The following PIEZO1 variants were observed in gnomAD, a reference collection of about 807,000 sequenced individuals.
The protein encoded by PIEZO1 is piezo-type mechanosensitive ion channel component 1.
In PIEZO1, 296 loss-of-function variants were observed where a neutral mutation model predicts 297.2. The ratio of observed to expected loss-of-function variants is 1.00; its 90% confidence interval spans 0.91 to 1.10. The LOEUF (loss-of-function observed/expected upper bound fraction) is 1.10, where lower values mean the gene tolerates loss of function less well. PIEZO1 is among the 50% of genes least tolerant of loss of function. PIEZO1 has a pLI of 0.00. For missense variants in PIEZO1, 5,018 were observed against 3,455.5 expected (o/e 1.45, Z -11.34); for synonymous variants, 2,427 against 1,507.5 (o/e 1.61, Z -14.13).
rs1324377546 is a variant in PIEZO1, at chr16:88,715,650, G to A, written c.7521C>T (p.Tyr2507=). 2 of 1,550,180 alleles carry A rather than the reference G, an allele frequency of 1.3e-6. No homozygotes were observed. Among genetic ancestry groups the A allele is most frequent in the African/African-American group, 2.7e-5 (2 of 73,058 alleles). Residue 2507 remains tyrosine, a synonymous_variant, in exon 51 of 51, where the codon TAC becomes TAT. Coordinates refer to ENST00000301015, the MANE Select transcript of PIEZO1 (RefSeq NM_001142864.4). The part of the protein sequence containing the change: ...EELYAKLIFL[Y]RSPETMIKWT... ...ACTTGATCATGGTCTCCGGTGAGCG[G>A]TAGAGGAAGATGAGCTTGGCGTACA...
rs1171773337 is a variant in PIEZO1 at position 88,727,045 on chromosome 16, T to C, written c.3449A>G (p.His1150Arg). Residue 1150 changes from histidine to arginine, a missense_variant, in exon 24 of 51, where the codon CAC becomes CGC. Physicochemically the swap from His to Arg is conservative, Grantham distance 29 (BLOSUM62 0). Transcript: ENST00000301015. The part of the protein sequence containing the change: ...GEPNPVPNFI[H>R]CRSYLDMLKV... ...AGGGTGACGTGGAACCCACCTGCAG[T>C]GGATAAAGTTGGGCACGGGGTTGGG... The C allele has an allele frequency of 1.3e-6, 2 of 1,548,346 alleles. No homozygotes were observed. Among genetic ancestry groups the C allele is most frequent in the East Asian group, 2.4e-5 (1 of 40,852 alleles).
intron 22 of PIEZO1, chr16:88,731,274 T>G: frequency 1.0e-5 from 2 of 197,596 alleles, no homozygotes; most frequent in Non-Finnish European, 2.1e-5. Flanking sequence ...AGAGGACACG[T>G]TTGACGATGG....
chr16:88,735,088 G>T, intron 13 of PIEZO1, 35 bp from the exon 14 acceptor site: 1 of 1,539,884 alleles, frequency 6.5e-7, no homozygotes, highest in African/African-American at 1.4e-5. Context: ...GATGGCATCA[G>T]GGCGGGCAGG....
intron 2 of PIEZO1, among the ~76,000 whole-genome samples, chr16:88,747,485 C>T (rs1906124964): frequency 6.6e-6 from 1 of 152,212 alleles, no homozygotes; most frequent in African/African-American, 2.4e-5. Context: ...CATTGCACTC[C>T]AGCCTGGGTG....
intron 1 of PIEZO1, among the ~76,000 whole-genome samples, chr16:88,756,180 C>A (rs1312950821): frequency 6.6e-6 from 1 of 152,184 alleles, no homozygotes; most frequent in Non-Finnish European, 1.5e-5. Context: ...ACTGTCCACT[C>A]CTCACGGGCA....
At position 88,716,540 on chromosome 16, in the gene PIEZO1, C is replaced by T; in HGVS notation, c.6926+19G>A. 1.3e-6 allele frequency: 2 copies of T among 1,537,906 alleles called. No homozygotes were observed. Among genetic ancestry groups the T allele is most frequent in the Non-Finnish European group, 1.8e-6 (2 of 1,138,860 alleles). Reference sequence around the variant, plus strand: ...AGTGGGTCCACCCACCCAGGCACTGCCCCAAGTCCAGGACGAACCTCTGGA... The same window carrying T: ...AGTGGGTCCACCCACCCAGGCACTGTCCCAAGTCCAGGACGAACCTCTGGA... On this transcript the variant is annotated intron_variant, in intron 47 of 50. Transcript: ENST00000301015.
chr16:88,767,329 G>C (rs953389895), intron 1 of PIEZO1, among the ~76,000 whole-genome samples: 2 of 152,312 alleles, frequency 1.3e-5, no homozygotes, highest in East Asian at 1.9e-4. Context: ...TGAGGAAGGA[G>C]GTCAGGGGGC....
In PIEZO1 at chr16:88,721,643, C is replaced by A; in HGVS notation, c.5298G>T (p.Lys1766Asn). The A allele has an allele frequency of 1.3e-6, 2 of 1,550,200 alleles. No individual in the cohort carries two copies. Among genetic ancestry groups the A allele is most frequent in the East Asian group, 2.4e-5 (1 of 40,916 alleles). The change falls in exon 38 of 51, where the codon AAG becomes AAT. Residue 1766 changes from lysine to asparagine, a missense_variant. Lys to Asn is a moderately conservative substitution (Grantham distance 94). Coordinates refer to ENST00000301015, the MANE Select transcript of PIEZO1 (RefSeq NM_001142864.4). ...CCAGGATGCGGGGCGGGAAGTAGGG[C>A]TTGTTCTCGTAGCGCCGCAGCACCA... The part of the protein sequence containing the change: ...SHVVLRRYEN[K>N]PYFPPRILGL...
chr16:88,749,555 GC>G, intron 1 of PIEZO1, 76 bp from the exon 2 acceptor site: 2 of 1,124,264 alleles, frequency 1.8e-6, no homozygotes, highest in Admixed American at 2.5e-5. Flanking sequence ...CGCACCCACG[GC>G]CCAGCTCGTC....
In PIEZO1 at chr16:88,733,673, CGT is replaced by C; in HGVS notation, c.2400_2401del (p.Val802AlafsTer67). On this transcript the variant is annotated frameshift_variant, in exon 18 of 51. Coordinates refer to ENST00000301015, the MANE Select transcript of PIEZO1 (RefSeq NM_001142864.4). LOFTEE classifies it high-confidence loss of function. ...CAGCCGCCGCAGGAACACCTGCACG[CGT>C]GAGAGGACGTCCGAGAAGCCGGCTG... 6.5e-7 allele frequency: 1 copy of C among 1,549,544 alleles called. No individual in the cohort carries two copies.
chr16:88,763,529 A>G (rs1456597778), intron 1 of PIEZO1, among the ~76,000 whole-genome samples: 3 of 152,202 alleles, frequency 2.0e-5, no homozygotes, highest in African/African-American at 7.2e-5. Flanking sequence ...AAAACAAAAC[A>G]AAACAGAACA....
At chr16:88,723,423 C>A (rs1014093077) in intron 31 of PIEZO1, 95 bp from the exon 32 acceptor site, 1 of 1,398,974 alleles carries the variant, frequency 7.1e-7, no homozygotes, top group Non-Finnish European at 9.7e-7. Flanking sequence ...AGATCCAGAT[C>A]CCTGCTCTGT....
Position 88,727,569 on chromosome 16 carries a change from T to G in PIEZO1, c.3289A>C (p.Thr1097Pro). ...GGGGGGCACTCACTGATGAGGTTGG[T>G]GGAGTTGGGGGCCCGGAAGAAATCA... ...LPDFFRAPNS[T>P]NLISDFLLLL... Residue 1097 changes from threonine (T) to proline (P), a missense_variant, in exon 23 of 51, where the codon ACC (threonine) becomes CCC (proline). Coordinates refer to ENST00000301015, the MANE Select transcript of PIEZO1 (RefSeq NM_001142864.4). The G allele has an allele frequency of 6.7e-7, 1 of 1,484,982 alleles. No individual in the cohort carries two copies. The highest frequency in any genetic ancestry group is 1.3e-5 in the South Asian group (1 of 79,580). The allele number at this position is 1,484,982 out of a possible 1,614,324, so 92.0% of individuals were successfully genotyped here.
rs59210137 is a variant in PIEZO1, at chr16:88,772,775, C to CAAA, written c.64+12123_64+12125dup. Among the ~76,000 whole-genome samples the CAAA allele has an allele frequency of 4.4e-3, 538 of 122,422 alleles. 4 individuals are homozygous for CAAA. Among genetic ancestry groups the CAAA allele is most frequent in the African/African-American group, 0.014 (446 of 31,300 alleles). The allele number at this position is 122,422 out of a possible 152,430, so 80.3% of individuals were successfully genotyped here. On this transcript the variant is annotated intron_variant, in intron 1 of 50. Coordinates refer to ENST00000301015, the MANE Select transcript of PIEZO1 (RefSeq NM_001142864.4). ...GCCTGGCCAAAGAGTGAGACTCTGT[C>CAAA]AAAAAAAAAAAAAAAAAGGCCTGTG... is the stretch of plus-strand genomic sequence containing the variant.
chr16:88,732,844 G>A (rs1391837909), intron 19 of PIEZO1, 112 bp from the exon 20 acceptor site: 14 of 1,110,674 alleles, frequency 1.3e-5, no homozygotes, highest in Non-Finnish European at 2.5e-6. Flanking sequence ...CCCCAGCCAG[G>A]GACACGGGGG....
intron 25 of PIEZO1, 25 bp from the exon 26 acceptor site, chr16:88,726,668 G>A (rs1366267294): frequency 2.0e-6 from 3 of 1,466,740 alleles, no homozygotes; most frequent in Non-Finnish European, 2.7e-6. Context: ...GGTCAGCGGG[G>A]CCAGCGGGGC....
chr16:88,724,329 G>A (rs887018909), intron 30 of PIEZO1, among the ~76,000 whole-genome samples: 14 of 152,198 alleles, frequency 9.2e-5, no homozygotes, highest in Admixed American at 4.6e-4. Context: ...TCAGAGGTTC[G>A]AGACCAGCCT....
chr16:88,771,369 C>T (rs1184557966), intron 1 of PIEZO1, among the ~76,000 whole-genome samples: 2 of 152,218 alleles, frequency 1.3e-5, no homozygotes, highest in Admixed American at 6.5e-5. Context: ...TGACTACATA[C>T]AGCTAGGAGT....
intron 1 of PIEZO1, among the ~76,000 whole-genome samples, chr16:88,773,916 C>A (rs913260649): frequency 2.0e-5 from 3 of 152,160 alleles, no homozygotes; most frequent in Admixed American, 2.0e-4. Context: ...CAGGTGCCAC[C>A]ATCCCTGACC....
Sources: gnomAD v4.1 joint callset for allele counts (sites outside exome capture counted in the v4.1 genomes callset) on GRCh38, gnomAD v4.1.1 for gene constraint, MANE v1.5 for transcripts, NCBI Gene and HGNC (gene_info 2026-07-23, HGNC 2026-07-21) for gene names.